CSMD1: variants seen among roughly 807,000 people sequenced by gnomAD.
CSMD1 encodes the protein CUB and Sushi multiple domains 1, also known as CUB and sushi domain-containing protein 1.
In CSMD1, 213 loss-of-function variants were observed where a neutral mutation model predicts 417.5. The ratio of observed to expected loss-of-function variants is 0.51; its 90% CI spans 0.46 to 0.57. The LOEUF (loss-of-function observed/expected upper bound fraction) is 0.57. CSMD1 is among the 20% of genes least tolerant of loss of function. CSMD1 has a pLI of 0.00. For missense variants in CSMD1, 6,923 were observed against 4,529.7 expected, an observed-to-expected ratio of 1.53 and a Z score of -15.17; for synonymous variants, 2,862 against 1,736.8, an observed-to-expected ratio of 1.65 and a Z score of -16.11.
At chr8:4,238,931 G>A (rs1409219692) in intron 3 of CSMD1, among the ~76,000 whole-genome samples, 1 of 152,116 alleles carries the variant, frequency 6.6e-6, no homozygotes, top group South Asian at 2.1e-4. Flanking sequence ...TTCTACATAT[G>A]ATTTTCTACC....
intron 37 of CSMD1, among the ~76,000 whole-genome samples, chr8:3,167,291 G>GAAAAAAAAAAAAAAAAAAAAAAAA (rs61026104): frequency 9.7e-6 from 1 of 102,600 alleles, no homozygotes; most frequent in African/African-American, 3.5e-5. Context: ...CTTGGAAAAA[G>GAAAAAAAAAAAAAAAAAAAAAAAA]AAAAAAAAAA....
At chr8:4,016,946 C>G (rs1435298355) in intron 4 of CSMD1, among the ~76,000 whole-genome samples, 3 of 152,156 alleles carry the variant, frequency 2.0e-5, no homozygotes, top group Admixed American at 2.0e-4. Flanking sequence ...AAAGATGAAA[C>G]TCCTTAAAGT....
At chr8:3,131,399 T>A (rs117932677) in intron 41 of CSMD1, among the ~76,000 whole-genome samples, 1 of 150,258 alleles carries the variant, frequency 6.7e-6, no homozygotes, top group African/African-American at 2.4e-5. Context: ...AAAAGAAATA[T>A]CTGCACTAAA....
chr8:4,173,812 G>A (rs986464675), intron 3 of CSMD1, among the ~76,000 whole-genome samples: 5 of 152,106 alleles, frequency 3.3e-5, no homozygotes, highest in African/African-American at 9.7e-5. Flanking sequence ...TGCGCTTGAG[G>A]AACAATCTGA....
intron 3 of CSMD1, among the ~76,000 whole-genome samples, chr8:4,412,718 G>C (rs1563146649): frequency 6.6e-6 from 1 of 152,144 alleles, no homozygotes; most frequent in Non-Finnish European, 1.5e-5. Flanking sequence ...TAAAGACATA[G>C]TGAAAAGTTA....
rs1327335902 is a variant in CSMD1, at chr8:3,289,686, T to C, written c.3951-5340A>G. 2.7e-5 allele frequency among the ~76,000 whole-genome samples: 4 copies of C among 147,330 alleles called. 1 individual carries two copies. Among genetic ancestry groups the C allele is most frequent in the African/African-American group, 1.1e-4 (4 of 37,036 alleles). On this transcript the variant is annotated intron_variant, in intron 25 of 69. Coordinates refer to ENST00000635120, the MANE Select transcript of CSMD1 (RefSeq NM_033225.6). ...TTTGATGGGGTTGTTTGTTTTTTTC[T>C]TGAAAATTTGTTGGAGTTCATTGTA...
intron 2 of CSMD1, among the ~76,000 whole-genome samples, chr8:4,551,393 C>G (rs922785574): frequency 6.6e-6 from 1 of 152,312 alleles, no homozygotes; most frequent in Non-Finnish European, 1.5e-5. Context: ...CTCCTCCCCA[C>G]CAAACCCCAT....
At chr8:3,491,203 C>T (rs555094124) in intron 11 of CSMD1, among the ~76,000 whole-genome samples, 59 of 152,156 alleles carry the variant, frequency 3.9e-4, no homozygotes, top group African/African-American at 1.4e-3. Flanking sequence ...CATGGTAGGT[C>T]CACAGGCGAT....
chr8:4,292,374 T>A (rs1185349215), intron 3 of CSMD1, among the ~76,000 whole-genome samples: 5 of 152,002 alleles, frequency 3.3e-5, no homozygotes, highest in African/African-American at 1.2e-4. Flanking sequence ...TGCCTCAGCC[T>A]CCAGAGTACC....
intron 3 of CSMD1, among the ~76,000 whole-genome samples, chr8:4,359,316 T>C (rs1254897658): frequency 6.6e-6 from 1 of 152,246 alleles, no homozygotes; most frequent in Non-Finnish European, 1.5e-5. Flanking sequence ...TGCATTATTG[T>C]GCAGGGGCCA....
Position 4,431,104 on chromosome 8 carries a change from A to C in CSMD1, c.303-11039T>G, listed in dbSNP as rs144979601. On this transcript the variant is annotated intron_variant, in intron 2 of 69. Transcript: ENST00000635120. ...CATTAGTGTTAATATATTTAATCTT[A>C]AACAGACCACATGACTGTAGAAAAA... Among the ~76,000 whole-genome samples, 780 of 152,228 alleles carry C rather than the reference A, an allele frequency of 5.1e-3. 8 individuals are homozygous for C. The highest frequency in any genetic ancestry group is 0.018 in the African/African-American group (746 of 41,528).
chr8:4,607,036 C>A (rs756974041), intron 2 of CSMD1, among the ~76,000 whole-genome samples: 6 of 152,054 alleles, frequency 3.9e-5, no homozygotes, highest in Non-Finnish European at 7.4e-5. Flanking sequence ...GTTTGAAAAT[C>A]GATCATTTGC....
intron 1 of CSMD1, among the ~76,000 whole-genome samples, chr8:4,861,933 C>A: frequency 6.6e-6 from 1 of 152,080 alleles, no homozygotes; most frequent in African/African-American, 2.4e-5. Flanking sequence ...CATTTCAAAA[C>A]GGGGATGCAA....
intron 1 of CSMD1, among the ~76,000 whole-genome samples, chr8:4,741,104 C>A (rs1041148525): frequency 6.6e-5 from 10 of 152,112 alleles, no homozygotes; most frequent in Non-Finnish European, 1.2e-4. Context: ...CTCACAAGAT[C>A]CATCCTAGTA....
At chr8:3,810,329 G>T (rs1026144580) in intron 5 of CSMD1, among the ~76,000 whole-genome samples, 2 of 152,172 alleles carry the variant, frequency 1.3e-5, no homozygotes, top group African/African-American at 4.8e-5. Context: ...AGAGCCACTG[G>T]GAAAGAAATA....
At chr8:3,747,087 C>G (rs1034272922) in intron 6 of CSMD1, among the ~76,000 whole-genome samples, 3 of 152,202 alleles carry the variant, frequency 2.0e-5, no homozygotes, top group African/African-American at 7.2e-5. Context: ...GTAGTGGGAG[C>G]AGTATGACAA....
intron 59 of CSMD1, among the ~76,000 whole-genome samples, chr8:2,964,233 A>T (rs1476394235): frequency 6.6e-6 from 1 of 152,232 alleles, no homozygotes; most frequent in East Asian, 1.9e-4. Context: ...ATGCCTTCTC[A>T]CGTGAGAAAG....
intron 3 of CSMD1, among the ~76,000 whole-genome samples, chr8:4,207,411 T>C (rs1191295727): frequency 1.3e-5 from 2 of 152,164 alleles, no homozygotes; most frequent in Non-Finnish European, 2.9e-5. Flanking sequence ...AAGCAAATCA[T>C]ATTTTGTCTT....
intron 5 of CSMD1, among the ~76,000 whole-genome samples, chr8:3,853,472 C>G (rs1804055704): frequency 6.6e-6 from 1 of 152,162 alleles, no homozygotes; most frequent in South Asian, 2.1e-4. Flanking sequence ...AGGCAAGGAT[C>G]TTTGTCTACG....
Sources: allele counts gnomAD v4.1 joint callset (sites outside exome capture counted in the v4.1 genomes callset), GRCh38; gene constraint gnomAD v4.1.1; transcripts MANE v1.5; gene names NCBI Gene and HGNC (gene_info 2026-07-23, HGNC 2026-07-21).